The following KIAA1549L variants were observed in gnomAD, a reference collection of about 807,000 sequenced individuals.
KIAA1549L encodes KIAA1549 like.
A neutral mutation model predicts 160.7 loss-of-function variants in KIAA1549L; 88 were observed. That is an observed-to-expected ratio of 0.55 (90% CI 0.46 to 0.65). The LOEUF (loss-of-function observed/expected upper bound fraction) is 0.65. Among genes scored for constraint, KIAA1549L ranks in the 30% least tolerant of loss-of-function variants. The probability of loss-of-function intolerance (pLI) is 0.00; values close to 1 mark genes in which losing one functional copy is unlikely to be tolerated. For synonymous variants in KIAA1549L, 950 were observed against 976.7 expected (o/e 0.97, Z 0.51); for missense variants, 2,258 against 2,437.5 (o/e 0.93, Z 1.55).
chr11:33,480,597 A>G (rs1852390879), intron 1 of KIAA1549L, among the ~76,000 whole-genome samples: 1 of 152,160 alleles, frequency 6.6e-6, no homozygotes, highest in Non-Finnish European at 1.5e-5. Flanking sequence ...TTGTATCCCT[A>G]AGGTTGTAAC....
intron 4 of KIAA1549L, among the ~76,000 whole-genome samples, chr11:33,549,861 C>T (rs1334445218): frequency 6.6e-6 from 1 of 151,862 alleles, no homozygotes; most frequent in Non-Finnish European, 1.5e-5. Context: ...GTAAGTTAGC[C>T]AGGTATGGTG....
In KIAA1549L at chr11:33,543,043, C is replaced by T. The variant is rs1167925210; in HGVS notation, c.1480C>T (p.Pro494Ser). The change falls in exon 2 of 21, where the codon CCA becomes TCA. Residue 494 changes from proline (P) to serine (S), a missense_variant. Physicochemically the swap from Pro to Ser is moderately conservative, Grantham distance 74. Around this residue, in one of 6 missense-constraint regions of KIAA1549L, gnomAD observed 540 missense variants for 465.7 expected, o/e 1.16. Coordinates refer to ENST00000658780, the MANE Select transcript of KIAA1549L (RefSeq NM_012194.3). The stretch of plus-strand genomic sequence containing the variant: ...CCTTTCTGGGGCGGTTCCCGCATCA[C>T]CATCAACTGGGACAGCCGACTTTCC... ...AILSGAVPASPSTGTADFPSI... is the reference protein window; with the variant it reads ...AILSGAVPASSSTGTADFPSI... 1 of 1,613,964 alleles carries T rather than the reference C, an allele frequency of 6.2e-7. No homozygotes were observed. The highest frequency in any genetic ancestry group is 8.5e-7 in the Non-Finnish European group (1 of 1,179,896).
In KIAA1549L at chr11:33,609,912, A is replaced by C. The variant is rs772526477; in HGVS notation, c.5225A>C (p.His1742Pro). ...GAAAAAGCCCCGAAGGAAATGGAGC[A>C]TGTTTTGGATCCAGATTCAGAACTC... is the stretch of plus-strand genomic sequence containing the variant. ...MYEKAPKEME[H>P]VLDPDSELCA... Residue 1742 changes from histidine (H) to proline (P), a missense_variant, in exon 15 of 21, where the codon CAT (histidine) becomes CCT (proline). His to Pro is a moderately conservative substitution (Grantham distance 77, BLOSUM62 -2). Transcript: ENST00000658780. 6.8e-6 allele frequency: 11 copies of C among 1,613,930 alleles called. No homozygotes were observed. Among genetic ancestry groups the C allele is most frequent in the Non-Finnish European group, 9.3e-6 (11 of 1,179,900 alleles).
At chr11:33,457,081 C>T (rs777379732) in intron 1 of KIAA1549L, among the ~76,000 whole-genome samples, 8 of 152,136 alleles carry the variant, frequency 5.3e-5, no homozygotes, top group African/African-American at 1.7e-4. Context: ...GCACAGTTAC[C>T]GGCTGGGTAT....
intron 12 of KIAA1549L, among the ~76,000 whole-genome samples, chr11:33,595,489 A>C (rs1362196971): frequency 6.6e-6 from 1 of 152,076 alleles, no homozygotes; most frequent in Non-Finnish European, 1.5e-5. Flanking sequence ...TTGGCCTCCC[A>C]AAGTGCTGGC....
At chr11:33,570,227 C>T (rs1170386969) in intron 9 of KIAA1549L, among the ~76,000 whole-genome samples, 4 of 152,130 alleles carry the variant, frequency 2.6e-5, no homozygotes, top group Non-Finnish European at 4.4e-5. Flanking sequence ...TGGTCTCAAA[C>T]TCCTGACCTC....
At chr11:33,606,375 G>A (rs1426263015) in intron 13 of KIAA1549L, among the ~76,000 whole-genome samples, 1 of 152,102 alleles carries the variant, frequency 6.6e-6, no homozygotes, top group Non-Finnish European at 1.5e-5. Flanking sequence ...TCATAGTTTT[G>A]AAAGAATGGT....
chr11:33,615,205 T>C (rs2133342787), intron 15 of KIAA1549L, among the ~76,000 whole-genome samples: 1 of 152,200 alleles, frequency 6.6e-6, no homozygotes, highest in South Asian at 2.1e-4. Flanking sequence ...GGTAATAATA[T>C]ATAAAGATGG....
chr11:33,633,680 C>A (rs867319809), intron 16 of KIAA1549L, among the ~76,000 whole-genome samples: 5 of 152,322 alleles, frequency 3.3e-5, no homozygotes, highest in Admixed American at 2.6e-4. Context: ...GATATGTTTA[C>A]TTTCGGGTGG....
chr11:33,518,518 T>C (rs1853408239), intron 1 of KIAA1549L, among the ~76,000 whole-genome samples: 1 of 152,222 alleles, frequency 6.6e-6, no homozygotes, highest in Admixed American at 6.5e-5. Flanking sequence ...GAGACTACTT[T>C]GTGTTCATCT....
chr11:33,659,608 GC>G (rs1466807115), intron 19 of KIAA1549L, among the ~76,000 whole-genome samples: 2 of 152,178 alleles, frequency 1.3e-5, no homozygotes, highest in Non-Finnish European at 1.5e-5. Context: ...TACCTTTTAG[GC>G]TAAAACTGCA....
At chr11:33,570,832 A>G (rs1038962114) in intron 9 of KIAA1549L, among the ~76,000 whole-genome samples, 2 of 152,214 alleles carry the variant, frequency 1.3e-5, no homozygotes. Flanking sequence ...TTTAACTACC[A>G]CAAGATGCCA....
At chr11:33,516,139 C>CT (rs927894187) in intron 1 of KIAA1549L, among the ~76,000 whole-genome samples, 643 of 43,286 alleles carry the variant, frequency 0.015, 157 homozygotes, top group African/African-American at 0.083. Flanking sequence ...GGAGGTGATT[C>CT]TTTTTTTTTT....
rs932395609 is a variant in KIAA1549L, at chr11:33,544,203, G to C, written c.2640G>C (p.Glu880Asp). ...CCAGTGACATCAATTCATCACCTGA[G>C]AGAAATGCTTCCACACCATTCCAGA... is the stretch of plus-strand genomic sequence containing the variant. ...EISSDINSSP[E>D]RNASTPFQNI... is the part of the protein sequence containing the mutation. The change falls in exon 2 of 21, where the codon GAG becomes GAC. Residue 880 changes from glutamate (E) to aspartate (D), a missense_variant. Transcript: ENST00000658780. The C allele has an allele frequency of 9.3e-6, 15 of 1,614,002 alleles. No individual in the cohort carries two copies. The highest frequency in any genetic ancestry group is 1.3e-5 in the African/African-American group (1 of 75,038).
intron 4 of KIAA1549L, 94 bp from the exon 5 acceptor site, chr11:33,550,940 CAGTCTT>C (rs1413714455): frequency 1.2e-5 from 11 of 922,268 alleles, no homozygotes; most frequent in African/African-American, 4.9e-5. Flanking sequence ...TTCTATTCTC[CAGTCTT>C]GTTTCTAACA....
rs1040194912 is a variant in KIAA1549L at position 33,658,814 on chromosome 11, C to G, written c.5923C>G (p.Leu1975Val). Residue 1975 changes from leucine (L) to valine (V), a missense_variant, in exon 19 of 21, where the codon CTG becomes GTG. Around this residue, in one of 6 missense-constraint regions of KIAA1549L, gnomAD observed 1,359 missense variants for 1,546.6 expected, o/e 0.88. Coordinates refer to ENST00000658780, the MANE Select transcript of KIAA1549L (RefSeq NM_012194.3). ...AESTGPEPAQ[L>V]HDSASFTQMS... The stretch of plus-strand genomic sequence containing the variant: ...GTCTACAGGGCCCGAGCCGGCCCAG[C>G]TGCACGACAGCGCCTCCTTCACGCA... 6.4e-6 allele frequency: 10 copies of G among 1,567,512 alleles called. No individual in the cohort carries two copies. Among genetic ancestry groups the G allele is most frequent in the South Asian group, 1.2e-5 (1 of 84,718 alleles).
At chr11:33,399,643 G>A (rs1850457578) in intron 1 of KIAA1549L, among the ~76,000 whole-genome samples, 1 of 152,172 alleles carries the variant, frequency 6.6e-6, no homozygotes, top group East Asian at 1.9e-4. Context: ...CTGTCAACTG[G>A]CCATCTGTTC....
At chr11:33,413,438 TA>T (rs11342768) in intron 1 of KIAA1549L, among the ~76,000 whole-genome samples, 94,576 of 139,618 alleles carry the variant, frequency 0.68, 31,390 homozygotes, top group Non-Finnish European at 0.7. Context: ...ACCCTGTCTT[TA>T]AAAAAAAAAA....
intron 1 of KIAA1549L, among the ~76,000 whole-genome samples, chr11:33,408,842 C>T (rs911923242): frequency 1.6e-4 from 23 of 145,594 alleles, no homozygotes; most frequent in African/African-American, 5.6e-4. Flanking sequence ...CCCAGCTACT[C>T]GGGAGGGCGA....
Sources: gnomAD v4.1 joint callset for allele counts (sites outside exome capture counted in the v4.1 genomes callset) on GRCh38, gnomAD v4.1.1 for gene constraint, gnomAD v4.1.1 regional missense constraint, MANE v1.5 for transcripts, NCBI Gene and HGNC (gene_info 2026-07-23, HGNC 2026-07-21) for gene names.